The following PIP5K1B variants were observed in gnomAD, a reference collection of about 807,000 sequenced individuals.
PIP5K1B encodes the protein phosphatidylinositol-4-phosphate 5-kinase type 1 beta.
Under a neutral mutation model 67.0 loss-of-function variants are expected in PIP5K1B, and 42 were observed. The observed-to-expected ratio is 0.63, with a 90% confidence interval of 0.49 to 0.81. PIP5K1B has a LOEUF of 0.81. PIP5K1B is among the 30% of genes least tolerant of loss of function. PIP5K1B has a pLI of 0.00. For missense variants in PIP5K1B, 459 were observed against 646.3 expected (o/e 0.71, Z 3.14); for synonymous variants, 214 against 231.4 (o/e 0.92, Z 0.68).
chr9:68,862,916 G>A (rs571382685), intron 4 of PIP5K1B, among the ~76,000 whole-genome samples: 2 of 151,862 alleles, frequency 1.3e-5, no homozygotes, highest in South Asian at 4.1e-4. Context: ...GGTGTTCTCT[G>A]GTGTTAAAAG....
chr9:68,743,097 G>T (rs1441974075), intron 2 of PIP5K1B, among the ~76,000 whole-genome samples: 1 of 152,130 alleles, frequency 6.6e-6, no homozygotes, highest in Non-Finnish European at 1.5e-5. Context: ...GGGTACAAAA[G>T]TGGATGAAAC....
chr9:68,940,718 C>T lies in PIP5K1B; in HGVS notation c.1430C>T (p.Thr477Ile), dbSNP rs1424957908. The T allele has an allele frequency of 1.9e-6, 3 of 1,613,974 alleles. No homozygotes were observed. Among genetic ancestry groups the T allele is most frequent in the Non-Finnish European group, 2.5e-6 (3 of 1,179,836 alleles). The stretch of plus-strand genomic sequence containing the variant: ...CTGTTTGAAGCTGCTTCCTTGGCAA[C>T]CACAATTTCATCTTCTTCCTTATAC... ...PSLFEAASLATTISSSSLYVN... is the reference protein window; with the variant it reads ...PSLFEAASLAITISSSSLYVN... The change falls in exon 14 of 16, where the codon ACC (threonine) becomes ATC (isoleucine). Residue 477 changes from threonine to isoleucine, a missense_variant. Physicochemically the swap from Thr to Ile is moderately conservative, Grantham distance 89. Coordinates refer to ENST00000265382, the MANE Select transcript of PIP5K1B (RefSeq NM_003558.4).
chr9:68,735,698 A>C (rs1178862982), intron 1 of PIP5K1B, among the ~76,000 whole-genome samples: 1 of 152,134 alleles, frequency 6.6e-6, no homozygotes, highest in Non-Finnish European at 1.5e-5. Context: ...CCACAAATAG[A>C]TATTTTAAAT....
intron 1 of PIP5K1B, among the ~76,000 whole-genome samples, chr9:68,723,074 T>G (rs1228927420): frequency 6.6e-6 from 1 of 152,138 alleles, no homozygotes; most frequent in Non-Finnish European, 1.5e-5. Context: ...CCTAGCTTAT[T>G]TCAGGTAACA....
At chr9:68,735,755 G>T (rs536238708) in intron 1 of PIP5K1B, among the ~76,000 whole-genome samples, 1 of 152,202 alleles carries the variant, frequency 6.6e-6, no homozygotes, top group African/African-American at 2.4e-5. Flanking sequence ...GGATAAGGGA[G>T]TAGGGGGTTC....
chr9:68,940,865 A>G, intron 14 of PIP5K1B, 75 bp downstream of exon 14: 2 of 1,334,758 alleles, frequency 1.5e-6, no homozygotes, highest in Non-Finnish European at 2.1e-6. Context: ...GTATCTCTGA[A>G]TGAGGACACG....
At chr9:68,730,115 G>A (rs549168121) in intron 1 of PIP5K1B, among the ~76,000 whole-genome samples, 4 of 152,268 alleles carry the variant, frequency 2.6e-5, no homozygotes, top group South Asian at 4.1e-4. Flanking sequence ...GAGACATAAT[G>A]TTGTGAAAGA....
At chr9:68,865,743 T>C (rs1440006535) in intron 5 of PIP5K1B, among the ~76,000 whole-genome samples, 1 of 152,196 alleles carries the variant, frequency 6.6e-6, no homozygotes, top group Non-Finnish European at 1.5e-5. Context: ...TTGCTAGACA[T>C]GCAGATTCTT....
chr9:68,821,884 C>T (rs757877794), intron 3 of PIP5K1B, among the ~76,000 whole-genome samples: 12 of 151,932 alleles, frequency 7.9e-5, no homozygotes, highest in Non-Finnish European at 1.2e-4. Flanking sequence ...TATCTTGCAA[C>T]TAGAAAAAAA....
At position 68,921,607 on chromosome 9, in the gene PIP5K1B, G is replaced by T. The variant is rs114289085; in HGVS notation, c.1117-1695G>T. ...TCTCTATTTAAAACCCAACACTTTG[G>T]GGGGAGACCAAAGCGGGCGGATCAC... On this transcript the variant is annotated intron_variant, in intron 11 of 15. Coordinates refer to ENST00000265382, the MANE Select transcript of PIP5K1B (RefSeq NM_003558.4). 3.2e-3 allele frequency among the ~76,000 whole-genome samples: 490 copies of T among 152,046 alleles called. 3 individuals carry two copies. The highest frequency in any genetic ancestry group is 0.011 in the African/African-American group (460 of 41,492).
Position 68,993,509 on chromosome 9 carries a change from T to TAAACAAATTTTTTTGCAC in PIP5K1B, c.1620+2253_1620+2270dup, listed in dbSNP as rs1444286839. 2.6e-5 allele frequency among the ~76,000 whole-genome samples: 4 copies of TAAACAAATTTTTTTGCAC among 152,182 alleles called. No homozygotes were observed. In the East Asian group the frequency reaches 7.7e-4, roughly 29 times the overall value. Reference sequence around the variant, plus strand: ...TTCTCTGAATATCCTAGTTTTTGCATAAACAAATTTTTTTGCACTGAGCAA... The same window carrying TAAACAAATTTTTTTGCAC: ...TTCTCTGAATATCCTAGTTTTTGCATAAACAAATTTTTTTGCACAAACAAATTTTTTTGCACTGAGCAA... On this transcript the variant is annotated intron_variant, in intron 15 of 15. Transcript: ENST00000265382.
At chr9:68,917,511 T>C in intron 8 of PIP5K1B, 37 bp from the exon 9 acceptor site, 1 of 1,497,316 alleles carries the variant, frequency 6.7e-7, no homozygotes, top group South Asian at 1.1e-5. Context: ...AACAGGCCTT[T>C]GGGTTGACTG....
intron 8 of PIP5K1B, among the ~76,000 whole-genome samples, chr9:68,907,737 ATGT>A (rs1407816908): frequency 3.3e-5 from 5 of 152,334 alleles, no homozygotes; most frequent in African/African-American, 9.6e-5. Context: ...AATTAATTAC[ATGT>A]TGTTCAGCAA....
chr9:68,988,834 T>C (rs1486396667), intron 14 of PIP5K1B, among the ~76,000 whole-genome samples: 3 of 151,856 alleles, frequency 2.0e-5, no homozygotes, highest in Admixed American at 1.3e-4. Context: ...TGGTGGCTCA[T>C]GCCTGTAGTC....
intron 2 of PIP5K1B, 22 bp downstream of exon 2, chr9:68,742,679 A>G (rs996186441): frequency 1.3e-5 from 2 of 152,160 alleles, no homozygotes; most frequent in Admixed American, 6.5e-5. Flanking sequence ...GAAAATACCT[A>G]TTTTAAAGCA....
intron 8 of PIP5K1B, among the ~76,000 whole-genome samples, chr9:68,906,058 G>T (rs187811300): frequency 1.3e-5 from 2 of 152,092 alleles, no homozygotes; most frequent in South Asian, 2.1e-4. Flanking sequence ...TCATTCTGTT[G>T]CCCAGGCTGG....
At chr9:68,954,711 C>T (rs1265723652) in intron 14 of PIP5K1B, among the ~76,000 whole-genome samples, 2 of 152,158 alleles carry the variant, frequency 1.3e-5, no homozygotes, top group Middle Eastern at 3.2e-3. Flanking sequence ...AGAGGACTAG[C>T]GAAAAATGTT....
At chr9:68,881,103 T>A (rs2132339448) in intron 6 of PIP5K1B, among the ~76,000 whole-genome samples, 1 of 152,300 alleles carries the variant, frequency 6.6e-6, no homozygotes, top group Admixed American at 6.5e-5. Context: ...CACACATTGG[T>A]GGGGGCAGAG....
chr9:68,726,930 A>G (rs1032236448), intron 1 of PIP5K1B, among the ~76,000 whole-genome samples: 2 of 151,252 alleles, frequency 1.3e-5, no homozygotes, highest in Non-Finnish European at 2.9e-5. Context: ...TGCCATTCTT[A>G]TATGATTTTT....
Sources: allele counts gnomAD v4.1 joint callset (sites outside exome capture counted in the v4.1 genomes callset), GRCh38; gene constraint gnomAD v4.1.1; transcripts MANE v1.5; gene names NCBI Gene and HGNC (gene_info 2026-07-23, HGNC 2026-07-21).